ATXN10: variants seen among roughly 807,000 people sequenced by gnomAD.
ATXN10 encodes ataxin 10, also known as ataxin-10.
Under a neutral mutation model 52.9 loss-of-function variants are expected in ATXN10, and 28 were observed. The observed-to-expected ratio is 0.53, with a 90% CI of 0.39 to 0.73. The LOEUF (loss-of-function observed/expected upper bound fraction) is 0.73, where lower values mean the gene tolerates loss of function less well. Among genes scored for constraint, ATXN10 ranks in the 30% least tolerant of loss-of-function variants. ATXN10 has a pLI of 0.00. For missense variants in ATXN10, 565 were observed against 577.0 expected (o/e 0.98, Z 0.21); for synonymous variants, 226 against 221.5 (o/e 1.02, Z -0.18).
Position 45,786,739 on chromosome 22 carries a change from T to G in ATXN10, c.1174-20220T>G, listed in dbSNP as rs1463496491. Among the ~76,000 whole-genome samples, 1 of 152,230 alleles carries G rather than the reference T, an allele frequency of 6.6e-6. No homozygotes were observed. Among genetic ancestry groups the G allele is most frequent in the East Asian group, 1.9e-4 (1 of 5,204 alleles). On this transcript the variant is annotated intron_variant, in intron 9 of 11. Coordinates refer to ENST00000252934, the MANE Select transcript of ATXN10 (RefSeq NM_013236.4). The surrounding 1 kb of genome is among the most constrained non-coding windows in gnomAD (Gnocchi z 4.1). ...AAAGGAAAGCCCCAAAGAACATTTT[T>G]TACCTATCAAAAAAGCAACTTTAAA...
intron 9 of ATXN10, among the ~76,000 whole-genome samples, chr22:45,753,378 T>A (rs1366203149): frequency 0.018 from 65 of 3,640 alleles, no homozygotes; most frequent in Non-Finnish European, 0.041. Flanking sequence ...TCTTACCAGC[T>A]TTTTTTTTTT....
intron 9 of ATXN10, among the ~76,000 whole-genome samples, chr22:45,747,404 T>C (rs980994449): frequency 9.2e-5 from 14 of 152,202 alleles, no homozygotes; most frequent in Admixed American, 2.6e-4. Flanking sequence ...TTTGGGAGAC[T>C]AAGGTAGGAG....
chr22:45,758,894 A>G (rs1430883717), intron 9 of ATXN10, among the ~76,000 whole-genome samples: 4 of 152,224 alleles, frequency 2.6e-5, no homozygotes, highest in Non-Finnish European at 4.4e-5. Context: ...TATTCTGCCC[A>G]GTAAATACAT....
rs897525237 is a variant in ATXN10 at position 45,681,038 on chromosome 22, G to C, written c.117-8674G>C. On this transcript the variant is annotated intron_variant, in intron 1 of 11. Coordinates refer to ENST00000252934, the MANE Select transcript of ATXN10 (RefSeq NM_013236.4). This position sits in a 1 kb window ranked among gnomAD's most constrained non-coding sequence, Gnocchi z 4.2. ...TGCTTTCAGACCTTTTTCCTCCATA[G>C]ACCACTCCAACTTTTAATCTCATGA... Among the ~76,000 whole-genome samples, 1 of 152,028 alleles carries C rather than the reference G, an allele frequency of 6.6e-6. No homozygotes were observed. Among genetic ancestry groups the C allele is most frequent in the African/African-American group, 2.4e-5 (1 of 41,390 alleles).
intron 6 of ATXN10, among the ~76,000 whole-genome samples, chr22:45,726,336 C>G (rs1924869143): frequency 6.6e-6 from 1 of 152,134 alleles, no homozygotes; most frequent in Non-Finnish European, 1.5e-5. Context: ...TTCAATCTCA[C>G]TGGTTGTTAC....
At chr22:45,815,770 C>T (rs928490888) in intron 10 of ATXN10, among the ~76,000 whole-genome samples, 5 of 152,200 alleles carry the variant, frequency 3.3e-5, no homozygotes, top group African/African-American at 1.2e-4. Flanking sequence ...CTTTCTCTCA[C>T]TCCAAGGCTT....
rs1324039831 is a variant in ATXN10, at chr22:45,837,081, TA to T, written c.1238-5909del. ...GTTATCTAAAAAGAGTTTTAAAATA[TA>T]TGTCCTGGATGCGAAAACAATGCAG... On this transcript the variant is annotated intron_variant, in intron 10 of 11. Coordinates refer to ENST00000252934, the MANE Select transcript of ATXN10 (RefSeq NM_013236.4). The surrounding 1 kb of genome is among the most constrained non-coding windows in gnomAD (Gnocchi z 5.8). 6.6e-6 allele frequency among the ~76,000 whole-genome samples: 1 copy of T among 152,204 alleles called. No homozygotes were observed. The highest frequency in any genetic ancestry group is 1.5e-5 in the Non-Finnish European group (1 of 68,036).
In ATXN10 at chr22:45,744,019, C is replaced by T. The variant is rs1056649436; in HGVS notation, c.1173+3481C>T. 6.6e-6 allele frequency among the ~76,000 whole-genome samples: 1 copy of T among 152,114 alleles called. No individual in the cohort carries two copies. The highest frequency in any genetic ancestry group is 1.5e-5 in the Non-Finnish European group (1 of 68,014). ...TGCGTCTCCTAGGCCAGCCAGGCCC[C>T]TTAGACTCCCTCCTGGTTGAAGTTG... On this transcript the variant is annotated intron_variant, in intron 9 of 11. Coordinates refer to ENST00000252934, the MANE Select transcript of ATXN10 (RefSeq NM_013236.4). The surrounding 1 kb of genome is among the most constrained non-coding windows in gnomAD (Gnocchi z 4.9).
chr22:45,843,862 C>T lies in ATXN10; in HGVS notation c.*191C>T, dbSNP rs1929428624. ...AACTGAGTGTTCTCTTGTTTCTTTGCATTAATGTAACTGTGTGGTTTGCCT... is the reference window on the plus strand; with the variant it reads ...AACTGAGTGTTCTCTTGTTTCTTTGTATTAATGTAACTGTGTGGTTTGCCT... On this transcript the variant is annotated 3_prime_UTR_variant, in exon 12 of 12. Coordinates refer to ENST00000252934, the MANE Select transcript of ATXN10 (RefSeq NM_013236.4). The surrounding 1 kb of genome is among the most constrained non-coding windows in gnomAD (Gnocchi z 4.5). The T allele has an allele frequency of 1.6e-6, 1 of 627,348 alleles. No individual in the cohort carries two copies. The highest frequency in any genetic ancestry group is 2.0e-5 in the South Asian group (1 of 50,920). 38.9% of individuals were successfully genotyped at this position (627,348 alleles called of 1,614,324 possible). A position where few individuals can be genotyped will look rare whatever the true frequency, so the allele number is the denominator to read the frequency against.
intron 8 of ATXN10, among the ~76,000 whole-genome samples, chr22:45,740,029 T>C (rs8141437): frequency 3.9e-5 from 6 of 152,340 alleles, no homozygotes; most frequent in African/African-American, 1.2e-4. Context: ...AAAAGTTCTT[T>C]CATAAAGAAG....
chr22:45,689,410 T>C (rs1057270024), intron 1 of ATXN10: 6 of 408,218 alleles, frequency 1.5e-5, no homozygotes, highest in Admixed American at 3.7e-5. Flanking sequence ...CTGAGTGATT[T>C]GTGCAAGTTA....
At chr22:45,814,227 G>A (rs1401328819) in intron 10 of ATXN10, among the ~76,000 whole-genome samples, 1 of 152,202 alleles carries the variant, frequency 6.6e-6, no homozygotes, top group Non-Finnish European at 1.5e-5. Flanking sequence ...AACGATGTTT[G>A]CGTTACATAT....
In ATXN10 at chr22:45,780,802, A is replaced by C. The variant is rs1437835490; in HGVS notation, c.1174-26157A>C. Among the ~76,000 whole-genome samples, 3 of 152,200 alleles carry C rather than the reference A, an allele frequency of 2.0e-5. No individual in the cohort carries two copies. The highest frequency in any genetic ancestry group is 4.8e-5 in the African/African-American group (2 of 41,438). On this transcript the variant is annotated intron_variant, in intron 9 of 11. Coordinates refer to ENST00000252934, the MANE Select transcript of ATXN10 (RefSeq NM_013236.4). The surrounding 1 kb of genome is among the most constrained non-coding windows in gnomAD (Gnocchi z 4.0). ...GCAATTGGACTTGGGATTCTGGATT[A>C]AGGTGGTGCAGATGCACTTCCCGGT... is the stretch of plus-strand genomic sequence containing the variant.
At chr22:45,714,162 G>A (rs1477934515) in intron 5 of ATXN10, among the ~76,000 whole-genome samples, 3 of 152,286 alleles carry the variant, frequency 2.0e-5, no homozygotes, top group Non-Finnish European at 2.9e-5. Context: ...CTGCCAAGGT[G>A]TAAACCGGCC....
At chr22:45,721,758 T>G (rs1924660314) in intron 6 of ATXN10, among the ~76,000 whole-genome samples, 1 of 152,166 alleles carries the variant, frequency 6.6e-6, no homozygotes, top group Non-Finnish European at 1.5e-5. Context: ...TAGGTATTAT[T>G]CTTGACATTT....
chr22:45,778,315 G>A (rs985594601), intron 9 of ATXN10, among the ~76,000 whole-genome samples: 2 of 152,178 alleles, frequency 1.3e-5, no homozygotes, highest in Non-Finnish European at 2.9e-5. Context: ...GCCAGGCCCT[G>A]CTCCAAGCTC....
In ATXN10 at chr22:45,727,080, TC is replaced by T. The variant is rs1924901238; in HGVS notation, c.729-2343del. ...TGTAGGCATTTAGCACTGTAAACTTTCCTTTTAGCACTGCTTTTGCTGTATC... is the reference window on the plus strand; with the variant it reads ...TGTAGGCATTTAGCACTGTAAACTTTCTTTTAGCACTGCTTTTGCTGTATC... On this transcript the variant is annotated intron_variant, in intron 6 of 11. Transcript: ENST00000252934. This position sits in a 1 kb window ranked among gnomAD's most constrained non-coding sequence, Gnocchi z 4.6. Among the ~76,000 whole-genome samples, 1 of 152,188 alleles carries T rather than the reference TC, an allele frequency of 6.6e-6. No individual in the cohort carries two copies. Among genetic ancestry groups the T allele is most frequent in the Non-Finnish European group, 1.5e-5 (1 of 68,040 alleles).
chr22:45,795,054 T>G lies in ATXN10; in HGVS notation c.1174-11905T>G, dbSNP rs539986548. 3.2e-4 allele frequency among the ~76,000 whole-genome samples: 49 copies of G among 152,280 alleles called. 1 individual carries two copies. The highest frequency in any genetic ancestry group is 3.4e-3 in the Middle Eastern group (1 of 294). ...TAAACAGAGTATACAGTTACAACAT[T>G]CTTATATTGTATGTGGGGTAGTATG... On this transcript the variant is annotated intron_variant, in intron 9 of 11. Coordinates refer to ENST00000252934, the MANE Select transcript of ATXN10 (RefSeq NM_013236.4). The surrounding 1 kb of genome is among the most constrained non-coding windows in gnomAD (Gnocchi z 4.6).
intron 9 of ATXN10, among the ~76,000 whole-genome samples, chr22:45,776,789 T>C (rs1326268848): frequency 6.6e-6 from 1 of 152,246 alleles, no homozygotes; most frequent in Non-Finnish European, 1.5e-5. Context: ...CCCAAAATAC[T>C]AACTGCTGCT....
Sources: gnomAD v4.1 joint callset for allele counts (sites outside exome capture counted in the v4.1 genomes callset) on GRCh38, gnomAD v4.1.1 for gene constraint, Gnocchi (gnomAD v3.1) non-coding constraint, MANE v1.5 for transcripts, NCBI Gene and HGNC (gene_info 2026-07-23, HGNC 2026-07-21) for gene names.